PCDHGB6: variants seen among roughly 807,000 people sequenced by gnomAD.
PCDHGB6 encodes the protein protocadherin gamma-B6.
PCDHGB6 carries 51 observed loss-of-function variants against 59.1 expected under a neutral mutation model. That is an observed-to-expected ratio of 0.86 (90% CI 0.69 to 1.09). The LOEUF (loss-of-function observed/expected upper bound fraction) is 1.09, where lower values mean the gene tolerates loss of function less well. PCDHGB6 is among the 50% of genes least tolerant of loss of function. The pLI is 0.00. For synonymous variants in PCDHGB6, 466 were observed against 495.1 expected (o/e 0.94, Z 0.78); for missense variants, 1,148 against 1,205.1 (o/e 0.95, Z 0.70).
Position 141,489,322 on chromosome 5 carries a change from T to G in PCDHGB6, c.2419-5485T>G. 1.9e-6 allele frequency: 3 copies of G among 1,601,052 alleles called. No homozygotes were observed. The highest frequency in any genetic ancestry group is 2.2e-5 in the East Asian group (1 of 44,726). On this transcript the variant is annotated intron_variant, in intron 1 of 3. Transcript: ENST00000520790. This position sits in a 1 kb window ranked among gnomAD's most constrained non-coding sequence, Gnocchi z 4.5. The stretch of plus-strand genomic sequence containing the variant: ...GTCCTTGTGCTGCTGGGGCTGGGTG[T>G]CTGGGCAGCTTCGTTACTCAGTGGT...
chr5:141,415,772 T>TC, intron 1 of PCDHGB6: 1 of 1,332,986 alleles, frequency 7.5e-7, no homozygotes. Context: ...TTTTTTTTTT[T>TC]ACTTTCTGGT....
intron 1 of PCDHGB6, chr5:141,422,940 C>T (rs769630623): frequency 2.0e-5 from 32 of 1,614,124 alleles, no homozygotes; most frequent in Admixed American, 5.0e-5. Flanking sequence ...TCCCCACAGA[C>T]GGCTCCACTG....
chr5:141,491,982 T>G lies in PCDHGB6; in HGVS notation c.2419-2825T>G. On this transcript the variant is annotated intron_variant, in intron 1 of 3. Coordinates refer to ENST00000520790, the MANE Select transcript of PCDHGB6 (RefSeq NM_018926.3). This position sits in a 1 kb window ranked among gnomAD's most constrained non-coding sequence, Gnocchi z 6.9. Reference sequence around the variant, plus strand: ...AAAAGGCCGGGGCCTCCTTCGAGCTTCCGGTGAATTTCGGGCGATTTCCGC... The same window carrying G: ...AAAAGGCCGGGGCCTCCTTCGAGCTGCCGGTGAATTTCGGGCGATTTCCGC... The G allele has an allele frequency of 2.6e-6, 2 of 759,438 alleles. No homozygotes were observed. Among genetic ancestry groups the G allele is most frequent in the East Asian group, 3.2e-5 (1 of 31,728 alleles). The allele number at this position is 759,438 out of a possible 1,614,324, so 47.0% of individuals were successfully genotyped here. A position where few individuals can be genotyped will look rare whatever the true frequency, so the allele number is the denominator to read the frequency against.
At chr5:141,504,206 A>G (rs1209911822) in intron 2 of PCDHGB6, among the ~76,000 whole-genome samples, 1 of 152,218 alleles carries the variant, frequency 6.6e-6, no homozygotes, top group African/African-American at 2.4e-5. Flanking sequence ...CTGTGGGAAA[A>G]TTCCAAGTAG....
intron 1 of PCDHGB6, chr5:141,420,396 A>C: frequency 8.0e-7 from 1 of 1,250,930 alleles, no homozygotes; most frequent in Non-Finnish European, 1.1e-6. Context: ...ATATAGGTCA[A>C]ATTTATGGTT....
chr5:141,428,007 A>G, intron 1 of PCDHGB6: 1 of 1,602,018 alleles, frequency 6.2e-7, no homozygotes, highest in Non-Finnish European at 8.5e-7. Flanking sequence ...ACTCTTCGAT[A>G]TAGTGCCACG....
intron 1 of PCDHGB6, chr5:141,414,601 T>A: frequency 6.2e-7 from 1 of 1,613,944 alleles, no homozygotes; most frequent in Non-Finnish European, 8.5e-7. Flanking sequence ...TGCCTCCATC[T>A]TCTCAGTGAC....
rs373421472 is a variant in PCDHGB6, at chr5:141,472,201, A to G, written c.2419-22606A>G. ...GTATTGGAATTTGAATCTTTTTGAC[A>G]CTAAGACCTTACTCTCGATCATATA... is the stretch of plus-strand genomic sequence containing the variant. On this transcript the variant is annotated intron_variant, in intron 1 of 3. Coordinates refer to ENST00000520790, the MANE Select transcript of PCDHGB6 (RefSeq NM_018926.3). Among the ~76,000 whole-genome samples the G allele has an allele frequency of 5.6e-4, 86 of 152,320 alleles. 2 individuals are homozygous for G. The South Asian group carries it at 0.017, about 30-fold the overall frequency.
chr5:141,456,321 G>A (rs2098849819), intron 1 of PCDHGB6, among the ~76,000 whole-genome samples: 1 of 152,154 alleles, frequency 6.6e-6, no homozygotes, highest in African/African-American at 2.4e-5. Context: ...GGCTCCTCCT[G>A]GGGTTGATCT....
intron 1 of PCDHGB6, among the ~76,000 whole-genome samples, chr5:141,454,796 ATTTTTTTTT>A (rs61612330): frequency 1.2e-4 from 9 of 77,408 alleles, no homozygotes; most frequent in Admixed American, 5.4e-4. Context: ...CATGGTTCTA[ATTTTTTTTT>A]TTTTTTTTTT....
chr5:141,482,859 G>A (rs1371172226), intron 1 of PCDHGB6, among the ~76,000 whole-genome samples: 3 of 148,230 alleles, frequency 2.0e-5, no homozygotes, highest in Admixed American at 6.7e-5. Flanking sequence ...ATCACTTGAG[G>A]TCAGGAGTTT....
intron 1 of PCDHGB6, among the ~76,000 whole-genome samples, chr5:141,462,023 A>T (rs927945421): frequency 1.3e-5 from 2 of 152,112 alleles, no homozygotes; most frequent in African/African-American, 4.8e-5. Flanking sequence ...GGGTTTCTTC[A>T]TGTTGGTCAG....
intron 1 of PCDHGB6, among the ~76,000 whole-genome samples, chr5:141,464,888 GCCACCATGT>G (rs1351812446): frequency 6.6e-6 from 1 of 152,000 alleles, no homozygotes; most frequent in East Asian, 1.9e-4. Context: ...ACAGATGGAT[GCCACCATGT>G]CCAGCTAATT....
intron 1 of PCDHGB6, chr5:141,441,209 G>A (rs1276958461): frequency 1.3e-5 from 2 of 152,158 alleles, no homozygotes; most frequent in East Asian, 3.9e-4. Flanking sequence ...TCTGCACCTT[G>A]GACAGTAATC....
At chr5:141,499,025 G>A (rs561539084) in intron 2 of PCDHGB6, among the ~76,000 whole-genome samples, 4 of 140,712 alleles carry the variant, frequency 2.8e-5, no homozygotes, top group Admixed American at 1.4e-4. Context: ...AGGAAGGAAG[G>A]AAGAAAAGAA....
intron 1 of PCDHGB6, chr5:141,415,000 T>G: frequency 6.2e-7 from 1 of 1,613,660 alleles, no homozygotes; most frequent in Non-Finnish European, 8.5e-7. Context: ...CGCCTGGCTG[T>G]CCTACCGTCT....
At chr5:141,424,712 G>A (rs2096836283) in intron 1 of PCDHGB6, 1 of 152,126 alleles carries the variant, frequency 6.6e-6, no homozygotes, top group Non-Finnish European at 1.5e-5. Context: ...CATTTTCAGT[G>A]TAGTTGGGAG....
intron 1 of PCDHGB6, among the ~76,000 whole-genome samples, chr5:141,449,636 TA>T (rs1448731592): frequency 7.3e-5 from 11 of 150,610 alleles, no homozygotes; most frequent in Non-Finnish European, 1.2e-4. Flanking sequence ...AAGATGTATC[TA>T]TATATACATA....
intron 3 of PCDHGB6, among the ~76,000 whole-genome samples, chr5:141,509,685 A>G (rs923641083): frequency 6.6e-6 from 1 of 152,166 alleles, no homozygotes. Flanking sequence ...TCTTCTGTAC[A>G]GTGGGACGTT....
Sources: allele counts gnomAD v4.1 joint callset (sites outside exome capture counted in the v4.1 genomes callset), GRCh38; gene constraint gnomAD v4.1.1; non-coding constraint Gnocchi (gnomAD v3.1); transcripts MANE v1.5; gene names NCBI Gene and HGNC (gene_info 2026-07-23, HGNC 2026-07-21).